The following HERPUD2 variants were observed in gnomAD, a reference collection of about 807,000 sequenced individuals.
HERPUD2 encodes HERPUD family member 2.
Under a neutral mutation model 49.9 loss-of-function variants are expected in HERPUD2, and 13 were observed. The observed-to-expected ratio is 0.26, with a 90% CI of 0.17 to 0.41. The LOEUF (loss-of-function observed/expected upper bound fraction) is 0.41. Ranked by LOEUF, HERPUD2 falls within the 10% of genes least tolerant of loss-of-function variation. The pLI, the probability that HERPUD2 is intolerant of heterozygous loss-of-function variation, is 1.00. For missense variants in HERPUD2, 449 were observed against 492.2 expected (o/e 0.91, Z 0.83); for synonymous variants, 172 against 171.4 (o/e 1.00, Z -0.03).
chr7:35,634,156 T>A (rs536994912), intron 8 of HERPUD2, among the ~76,000 whole-genome samples, 156 bp downstream of exon 8: 76 of 152,232 alleles, frequency 5.0e-4, no homozygotes, highest in Non-Finnish European at 9.6e-4. Flanking sequence ...TTCTAAGTTC[T>A]CCCAAATGAA....
chr7:35,654,564 C>T (rs1426936726), intron 5 of HERPUD2, among the ~76,000 whole-genome samples: 5 of 133,588 alleles, frequency 3.7e-5, no homozygotes, highest in Admixed American at 7.9e-5. Context: ...CTGAACAGAC[C>T]AATAATGAGT....
rs570137169 is a variant in HERPUD2, at chr7:35,655,544, C to A, written c.494+11890G>T. The stretch of plus-strand genomic sequence containing the variant: ...TAGGCATAGACGGAACATATCTCAA[C>A]ATAAAAAAGACCATATATAACAAAC... On this transcript the variant is annotated intron_variant, in intron 5 of 8. Coordinates refer to ENST00000311350, the MANE Select transcript of HERPUD2 (RefSeq NM_022373.5). Among the ~76,000 whole-genome samples, 5 of 152,262 alleles carry A rather than the reference C, an allele frequency of 3.3e-5. No homozygotes were observed. The South Asian group carries it at 1.0e-3, about 32-fold the overall frequency.
intron 2 of HERPUD2, among the ~76,000 whole-genome samples, chr7:35,686,750 A>AAACAAC: frequency 9.5e-6 from 1 of 105,076 alleles, no homozygotes; most frequent in Non-Finnish European, 1.9e-5. Context: ...AAAAAACCAA[A>AAACAAC]CCCATTTCCA....
chr7:35,637,612 A>G (rs1165354498), intron 6 of HERPUD2, among the ~76,000 whole-genome samples: 4 of 152,236 alleles, frequency 2.6e-5, no homozygotes, highest in Non-Finnish European at 4.4e-5. Context: ...ATTCATCCAC[A>G]GAGAGCTAAC....
At chr7:35,658,967 A>G (rs1785349770) in intron 5 of HERPUD2, among the ~76,000 whole-genome samples, 1 of 152,250 alleles carries the variant, frequency 6.6e-6, no homozygotes, top group African/African-American at 2.4e-5. Flanking sequence ...TCTCAAAACT[A>G]GTGATTCAAA....
In HERPUD2 at chr7:35,674,857, C is replaced by T. The variant is rs149205792; in HGVS notation, c.148-1579G>A. The stretch of plus-strand genomic sequence containing the variant: ...GATGGGCCCAGAAAGGGCATGGAAG[C>T]TCTGAGCCCTTTCTCCAAGAACTCG... On this transcript the variant is annotated intron_variant, in intron 2 of 8. Coordinates refer to ENST00000311350, the MANE Select transcript of HERPUD2 (RefSeq NM_022373.5). Among the ~76,000 whole-genome samples the T allele has an allele frequency of 2.2e-4, 33 of 152,258 alleles. 1 individual carries two copies. The East Asian group carries it at 6.2e-3, about 28-fold the overall frequency.
chr7:35,668,367 C>G (rs1165622949), intron 4 of HERPUD2, among the ~76,000 whole-genome samples: 1 of 152,076 alleles, frequency 6.6e-6, no homozygotes, highest in Non-Finnish European at 1.5e-5. Flanking sequence ...TAACCATAAA[C>G]AATATAACTC....
chr7:35,667,730 G>C (rs887696941), intron 4 of HERPUD2, 142 bp from the exon 5 acceptor site: 4 of 589,542 alleles, frequency 6.8e-6, no homozygotes, highest in Non-Finnish European at 1.1e-5. Flanking sequence ...CGTGTGTCCA[G>C]TATAAGTAGA....
chr7:35,654,081 G>C (rs1452373019), intron 5 of HERPUD2, among the ~76,000 whole-genome samples: 2 of 151,980 alleles, frequency 1.3e-5, no homozygotes. Context: ...GGTGCTAAGA[G>C]AGATGTTTAT....
At chr7:35,671,666 T>C (rs1468210618) in intron 3 of HERPUD2, among the ~76,000 whole-genome samples, 2 of 152,052 alleles carry the variant, frequency 1.3e-5, no homozygotes, top group African/African-American at 2.4e-5. Context: ...AAGGGGTACA[T>C]TGACTTTAAT....
intron 2 of HERPUD2, among the ~76,000 whole-genome samples, chr7:35,679,197 T>C (rs1249681214): frequency 2.6e-5 from 4 of 152,206 alleles, no homozygotes; most frequent in African/African-American, 9.7e-5. Flanking sequence ...ATTGATAATA[T>C]TAATTTTTTA....
At chr7:35,662,412 T>C (rs1785444733) in intron 5 of HERPUD2, among the ~76,000 whole-genome samples, 1 of 152,238 alleles carries the variant, frequency 6.6e-6, no homozygotes, top group Non-Finnish European at 1.5e-5. Flanking sequence ...GAGGATCCCC[T>C]CTTTTTCTAT....
intron 5 of HERPUD2, among the ~76,000 whole-genome samples, chr7:35,638,700 G>A (rs1447291343): frequency 1.3e-5 from 2 of 152,022 alleles, no homozygotes; most frequent in African/African-American, 2.4e-5. Flanking sequence ...AGTTTTAAAG[G>A]GAAAACAAAG....
chr7:35,665,094 G>A lies in HERPUD2; in HGVS notation c.494+2340C>T, dbSNP rs868417219. Among the ~76,000 whole-genome samples, 12 of 152,148 alleles carry A rather than the reference G, an allele frequency of 7.9e-5. No homozygotes were observed. The South Asian group carries it at 8.3e-4, about 11-fold the overall frequency. ...ACCCACTTGAGGAGGCAGTCTGTCT[G>A]TTCTCAGATCTCAAACTCAGTGCTG... On this transcript the variant is annotated intron_variant, in intron 5 of 8. Transcript: ENST00000311350.
intron 4 of HERPUD2, among the ~76,000 whole-genome samples, chr7:35,667,850 A>G: frequency 6.6e-6 from 1 of 152,202 alleles, no homozygotes; most frequent in Non-Finnish European, 1.5e-5. Flanking sequence ...ATACAAAAAC[A>G]GCATATTAAA....
At chr7:35,675,746 T>C (rs1453452173) in intron 2 of HERPUD2, among the ~76,000 whole-genome samples, 1 of 152,166 alleles carries the variant, frequency 6.6e-6, no homozygotes, top group East Asian at 1.9e-4. Flanking sequence ...TCAAAGAGAA[T>C]ACTGTATTTT....
chr7:35,638,851 G>A (rs1784917770), intron 5 of HERPUD2, among the ~76,000 whole-genome samples: 1 of 151,956 alleles, frequency 6.6e-6, no homozygotes, highest in Non-Finnish European at 1.5e-5. Flanking sequence ...AAAATATTTT[G>A]GGGAATGGTG....
chr7:35,665,641 T>C (rs975275647), intron 5 of HERPUD2, among the ~76,000 whole-genome samples: 3 of 152,228 alleles, frequency 2.0e-5, no homozygotes, highest in African/African-American at 7.2e-5. Context: ...ATGAACCTGG[T>C]ACCTCAGTTG....
intron 2 of HERPUD2, among the ~76,000 whole-genome samples, chr7:35,676,602 G>A (rs1484594482): frequency 6.6e-6 from 1 of 152,124 alleles, no homozygotes; most frequent in Non-Finnish European, 1.5e-5. Context: ...ACCAAAATCT[G>A]GGAGCTAGGA....
Sources: allele counts gnomAD v4.1 joint callset (sites outside exome capture counted in the v4.1 genomes callset), GRCh38; gene constraint gnomAD v4.1.1; transcripts MANE v1.5; gene names NCBI Gene and HGNC (gene_info 2026-07-23, HGNC 2026-07-21).